The following NAALADL2 variants were observed in gnomAD, a reference collection of about 807,000 sequenced individuals.
NAALADL2 encodes N-acetylated alpha-linked acidic dipeptidase like 2, also known as inactive N-acetylated-alpha-linked acidic dipeptidase-like protein 2.
A neutral mutation model predicts 87.2 loss-of-function variants in NAALADL2; 76 were observed. The ratio of observed to expected loss-of-function variants is 0.87; its 90% confidence interval spans 0.72 to 1.05. The LOEUF (loss-of-function observed/expected upper bound fraction) is 1.05. Among genes scored for constraint, NAALADL2 ranks in the 50% least tolerant of loss-of-function variants. The pLI is 0.00. For missense variants in NAALADL2, 1,089 were observed against 945.8 expected, an observed-to-expected ratio of 1.15 and a Z score of -1.99; for synonymous variants, 354 against 331.0, an observed-to-expected ratio of 1.07 and a Z score of -0.75.
chr3:174,613,721 C>A (rs116368198), intron 2 of NAALADL2, among the ~76,000 whole-genome samples: 29 of 152,312 alleles, frequency 1.9e-4, no homozygotes, highest in Middle Eastern at 3.4e-3. Context: ...CAAATGCCAT[C>A]TAAGAGACAA....
At chr3:175,353,652 A>C (rs1393693730) in intron 5 of NAALADL2, among the ~76,000 whole-genome samples, 3 of 152,204 alleles carry the variant, frequency 2.0e-5, no homozygotes, top group Non-Finnish European at 2.9e-5. Flanking sequence ...TCTTCAAAGA[A>C]AATGTAGGAT....
chr3:175,143,885 T>C (rs1048438287), intron 2 of NAALADL2, among the ~76,000 whole-genome samples: 4 of 151,956 alleles, frequency 2.6e-5, no homozygotes, highest in African/African-American at 9.7e-5. Context: ...TCAAAGCTAG[T>C]GTTCCCTCTA....
chr3:174,986,144 T>A (rs1165106086), intron 1 of NAALADL2, among the ~76,000 whole-genome samples: 1 of 151,468 alleles, frequency 6.6e-6, no homozygotes, highest in African/African-American at 2.4e-5. Context: ...CAATCAAGAT[T>A]GCACCTCTCT....
Position 175,114,033 on chromosome 3 carries a change from T to C in NAALADL2, c.545+16742T>C, listed in dbSNP as rs139633356. ...GTTTGTCAGGTCTTAGTAATTTCCTTAAATGTATTTAATATCGGCTTCATG... is the reference window on the plus strand; with the variant it reads ...GTTTGTCAGGTCTTAGTAATTTCCTCAAATGTATTTAATATCGGCTTCATG... On this transcript the variant is annotated intron_variant, in intron 2 of 13. Coordinates refer to ENST00000454872, the MANE Select transcript of NAALADL2 (RefSeq NM_207015.3). 1.9e-4 allele frequency among the ~76,000 whole-genome samples: 29 copies of C among 151,740 alleles called. 2 individuals are homozygous for C. The East Asian group carries it at 5.3e-3, about 27-fold the overall frequency.
chr3:174,878,539 T>C (rs1439952234), intron 1 of NAALADL2, among the ~76,000 whole-genome samples: 1 of 152,130 alleles, frequency 6.6e-6, no homozygotes, highest in South Asian at 2.1e-4. Flanking sequence ...CTTCCTGGGA[T>C]TACATTTCTT....
chr3:175,308,986 C>T (rs1758021033), intron 4 of NAALADL2, among the ~76,000 whole-genome samples: 1 of 152,008 alleles, frequency 6.6e-6, no homozygotes, highest in Non-Finnish European at 1.5e-5. Flanking sequence ...TTGAGCATGC[C>T]CAGGAGTGAA....
At chr3:175,759,959 AT>A (rs1181750630) in intron 13 of NAALADL2, among the ~76,000 whole-genome samples, 2 of 152,062 alleles carry the variant, frequency 1.3e-5, no homozygotes, top group Non-Finnish European at 2.9e-5. Flanking sequence ...TGTTAGGAGG[AT>A]TTATCTAGTG....
At chr3:174,920,993 G>C (rs1417305088) in intron 1 of NAALADL2, among the ~76,000 whole-genome samples, 1 of 152,082 alleles carries the variant, frequency 6.6e-6, no homozygotes, top group Non-Finnish European at 1.5e-5. Context: ...ACATGGTCAT[G>C]GTCCATGGTG....
chr3:175,031,691 C>T (rs899017985), intron 1 of NAALADL2, among the ~76,000 whole-genome samples: 1 of 152,050 alleles, frequency 6.6e-6, no homozygotes, highest in Non-Finnish European at 1.5e-5. Context: ...TGAGAAGTCT[C>T]CAACTGCTTT....
chr3:174,807,960 G>A (rs76368096), intron 3 of NAALADL2, among the ~76,000 whole-genome samples: 2,177 of 151,716 alleles, frequency 0.014, 65 homozygotes, highest in African/African-American at 0.051. Context: ...GTTACTATGT[G>A]GTATCCCTTC....
chr3:174,703,953 T>C (rs1729819887), intron 2 of NAALADL2, among the ~76,000 whole-genome samples: 1 of 152,200 alleles, frequency 6.6e-6, no homozygotes, highest in Admixed American at 6.5e-5. Context: ...GACTGAATGC[T>C]AAGTGCTTTA....
At chr3:174,657,041 C>CTTTTTTTTTT (rs60569510) in intron 2 of NAALADL2, among the ~76,000 whole-genome samples, 16 of 115,818 alleles carry the variant, frequency 1.4e-4, no homozygotes, top group African/African-American at 5.3e-4. Flanking sequence ...TTTCCTTCTT[C>CTTTTTTTTTT]TTTTTTTTTT....
chr3:175,260,860 A>C (rs1750907480), intron 4 of NAALADL2, among the ~76,000 whole-genome samples: 1 of 152,188 alleles, frequency 6.6e-6, no homozygotes, highest in South Asian at 2.1e-4. Context: ...ATCTGCAGTC[A>C]TGAAGGAGGA....
chr3:174,496,695 C>T (rs1189540806), intron 1 of NAALADL2, among the ~76,000 whole-genome samples: 1 of 151,886 alleles, frequency 6.6e-6, no homozygotes, highest in African/African-American at 2.4e-5. Flanking sequence ...AGATGACCAA[C>T]AGCTTATTAT....
chr3:175,175,323 A>G (rs1735549449), intron 2 of NAALADL2, among the ~76,000 whole-genome samples: 1 of 152,016 alleles, frequency 6.6e-6, no homozygotes, highest in Admixed American at 6.6e-5. Flanking sequence ...AAAAATTCCA[A>G]CATAGCCTTA....
At chr3:175,212,128 T>C (rs1252100306) in intron 2 of NAALADL2, among the ~76,000 whole-genome samples, 1 of 152,084 alleles carries the variant, frequency 6.6e-6, no homozygotes, top group Non-Finnish European at 1.5e-5. Context: ...ATAATAGCAG[T>C]AAAAGTAGAA....
At chr3:175,727,063 A>T (rs1050212543) in intron 11 of NAALADL2, among the ~76,000 whole-genome samples, 5 of 152,044 alleles carry the variant, frequency 3.3e-5, no homozygotes, top group African/African-American at 1.2e-4. Flanking sequence ...TGCCTTGTTT[A>T]TGTCTTCTTT....
chr3:175,417,779 A>G (rs1019164288), intron 5 of NAALADL2, among the ~76,000 whole-genome samples: 1 of 152,148 alleles, frequency 6.6e-6, no homozygotes, highest in African/African-American at 2.4e-5. Flanking sequence ...TTTATCTTTT[A>G]CCCAACATTC....
intron 5 of NAALADL2, among the ~76,000 whole-genome samples, chr3:175,420,727 GT>G (rs1187865149): frequency 6.6e-6 from 1 of 151,944 alleles, no homozygotes; most frequent in Admixed American, 6.6e-5. Context: ...TCATTAAGTG[GT>G]TGGATTATAC....
Sources: allele counts gnomAD v4.1 joint callset (sites outside exome capture counted in the v4.1 genomes callset), GRCh38; gene constraint gnomAD v4.1.1; transcripts MANE v1.5; gene names NCBI Gene and HGNC (gene_info 2026-07-23, HGNC 2026-07-21).